The following ZNF385C variants were observed in gnomAD, a reference collection of about 807,000 sequenced individuals.
ZNF385C encodes the protein CTD-2132N18.2.
In ZNF385C, 28 loss-of-function variants were observed where a neutral mutation model predicts 35.4. The observed-to-expected ratio is 0.79, with a 90% CI of 0.59 to 1.08. The LOEUF is 1.08. Ranked by LOEUF, ZNF385C falls within the 50% of genes least tolerant of loss-of-function variation. The pLI, the probability that ZNF385C is intolerant of heterozygous loss-of-function variation, is 0.00. For synonymous variants in ZNF385C, 248 were observed against 248.2 expected (o/e 1.00, Z 0.01); for missense variants, 605 against 595.6 (o/e 1.02, Z -0.16).
At chr17:42,039,605 C>G in intron 2 of ZNF385C, 1 of 1,098,358 alleles carries the variant, frequency 9.1e-7, no homozygotes, top group Non-Finnish European at 1.2e-6. Flanking sequence ...TGGGAGGCTG[C>G]AGTCAGCAGA....
intron 1 of ZNF385C, among the ~76,000 whole-genome samples, chr17:42,096,453 C>T (rs978516823): frequency 6.6e-6 from 1 of 152,142 alleles, no homozygotes; most frequent in Non-Finnish European, 1.5e-5. Context: ...CCTTTGAAAG[C>T]CCCCAGCTTA....
At chr17:42,043,827 G>A (rs1169753247) in intron 2 of ZNF385C, among the ~76,000 whole-genome samples, 1 of 152,126 alleles carries the variant, frequency 6.6e-6, no homozygotes, top group Admixed American at 6.5e-5. Flanking sequence ...TTTGACTGAT[G>A]AAGCATCTCA....
intron 2 of ZNF385C, among the ~76,000 whole-genome samples, chr17:42,049,210 TG>T (rs2143742654): frequency 6.6e-6 from 1 of 152,320 alleles, no homozygotes; most frequent in Non-Finnish European, 1.5e-5. Flanking sequence ...TTACCTGGCC[TG>T]TTTCATTTCC....
rs115152886 is a variant in ZNF385C at position 42,053,419 on chromosome 17, T to C, written c.250+9388A>G. Among the ~76,000 whole-genome samples, 723 of 152,178 alleles carry C rather than the reference T, an allele frequency of 4.8e-3. 6 individuals carry two copies. Among genetic ancestry groups the C allele is most frequent in the African/African-American group, 0.017 (704 of 41,514 alleles). On this transcript the variant is annotated intron_variant, in intron 2 of 8. Coordinates refer to ENST00000692273, the MANE Select transcript of ZNF385C (RefSeq NM_001392013.1). ...ACCCTGATTTCTGTCCCCCTCTGTC[T>C]GCTTCCCTCTCTTTCTGTGCTGCAG...
At chr17:42,031,149 C>T (rs1379466202) in intron 5 of ZNF385C, among the ~76,000 whole-genome samples, 1 of 152,154 alleles carries the variant, frequency 6.6e-6, no homozygotes, top group Non-Finnish European at 1.5e-5. Flanking sequence ...GCAGATCCTC[C>T]TGCTTCAGCC....
intron 1 of ZNF385C, among the ~76,000 whole-genome samples, chr17:42,090,283 T>C (rs1288275123): frequency 7.5e-6 from 1 of 133,312 alleles, no homozygotes; most frequent in South Asian, 2.6e-4. Context: ...TTCCCTTTTT[T>C]TTTTTTTTTT....
In ZNF385C at chr17:42,028,153, G is replaced by C. The variant is rs782066534; in HGVS notation, c.1061C>G (p.Ala354Gly). Reference sequence around the variant, plus strand: ...GCCCCGGCCCCCTGTGACTCTCTTGGCTTTGTGTCCGGCACCTCCCCTGGA... The same window carrying C: ...GCCCCGGCCCCCTGTGACTCTCTTGCCTTTGTGTCCGGCACCTCCCCTGGA... ...PVSRGGAGHK[A>G]KRVTGGRGGR... The change falls in exon 7 of 9, where the codon GCC becomes GGC. Residue 354 changes from alanine (A) to glycine (G), a missense_variant. Coordinates refer to ENST00000692273, the MANE Select transcript of ZNF385C (RefSeq NM_001392013.1). The C allele has an allele frequency of 2.5e-6, 4 of 1,610,612 alleles. No individual in the cohort carries two copies. The highest frequency in any genetic ancestry group is 3.4e-6 in the Non-Finnish European group (4 of 1,178,876).
chr17:42,028,714 G>T, intron 6 of ZNF385C, 69 bp downstream of exon 6: 1 of 1,491,882 alleles, frequency 6.7e-7, no homozygotes, highest in East Asian at 2.5e-5. Flanking sequence ...ACTCAAGCCT[G>T]CCCTCATCTG....
intron 2 of ZNF385C, among the ~76,000 whole-genome samples, chr17:42,047,969 G>C (rs2053203161): frequency 6.6e-6 from 1 of 152,024 alleles, no homozygotes; most frequent in Non-Finnish European, 1.5e-5. Flanking sequence ...ACTCTTGAGT[G>C]GCACTTGGTG....
intron 2 of ZNF385C, among the ~76,000 whole-genome samples, chr17:42,055,737 A>C (rs1249669683): frequency 6.6e-6 from 1 of 152,060 alleles, no homozygotes; most frequent in East Asian, 1.9e-4. Flanking sequence ...TGGGGGTGAG[A>C]AGCTCATCAA....
At chr17:42,085,799 A>C (rs1285987667) in intron 1 of ZNF385C, among the ~76,000 whole-genome samples, 2 of 151,456 alleles carry the variant, frequency 1.3e-5, no homozygotes, top group Non-Finnish European at 2.9e-5. Context: ...GGTTTTCACC[A>C]TCTTGGCCAG....
At chr17:42,078,299 A>C (rs1434171856) in intron 1 of ZNF385C, among the ~76,000 whole-genome samples, 1 of 151,942 alleles carries the variant, frequency 6.6e-6, no homozygotes, top group Non-Finnish European at 1.5e-5. Flanking sequence ...ACTTTTTAGG[A>C]TATTAAATTC....
rs782515875 is a variant in ZNF385C at position 42,062,977 on chromosome 17, G to T, written c.80C>A (p.Pro27His). Reference sequence around the variant, plus strand: ...TCGCTTGGGCTTAGGTGGTTCTGGGGGCCGAGGGAGGCACTCAGCAGCTCC... The same window carrying T: ...TCGCTTGGGCTTAGGTGGTTCTGGGTGCCGAGGGAGGCACTCAGCAGCTCC... ...ISGAAECLPR[P>H]PEPPKPKRER... is the part of the protein sequence containing the mutation. The change falls in exon 2 of 9, where the codon CCC becomes CAC. Residue 27 changes from proline (P) to histidine (H), a missense_variant. Pro to His is a moderately conservative substitution (Grantham distance 77). Transcript: ENST00000692273. 1.4e-6 allele frequency: 1 copy of T among 694,340 alleles called. No individual in the cohort carries two copies. The highest frequency in any genetic ancestry group is 1.5e-5 in the South Asian group (1 of 66,602). 43.0% of individuals were successfully genotyped at this position (694,340 alleles called of 1,614,324 possible).
intron 1 of ZNF385C, among the ~76,000 whole-genome samples, chr17:42,085,528 TG>T (rs1241915517): frequency 6.6e-6 from 1 of 150,906 alleles, no homozygotes; most frequent in Non-Finnish European, 1.5e-5. Flanking sequence ...TCAGGCAATC[TG>T]CCCGCCTCAG....
chr17:42,040,201 A>G, intron 2 of ZNF385C: 1 of 1,231,584 alleles, frequency 8.1e-7, no homozygotes, highest in East Asian at 3.2e-5. Flanking sequence ...CACGGCGTCC[A>G]GCGAAGGCCC....
chr17:42,092,347 G>T (rs1292832780), intron 1 of ZNF385C, among the ~76,000 whole-genome samples: 5 of 152,078 alleles, frequency 3.3e-5, no homozygotes, highest in African/African-American at 1.2e-4. Context: ...GTTGCAGTGA[G>T]CTGAGACTGC....
At chr17:42,089,156 A>G (rs1555660307) in intron 1 of ZNF385C, among the ~76,000 whole-genome samples, 1 of 151,898 alleles carries the variant, frequency 6.6e-6, no homozygotes, top group Non-Finnish European at 1.5e-5. Flanking sequence ...TCTCTACAAA[A>G]AATACAAAAA....
chr17:42,028,115 G>A lies in ZNF385C; in HGVS notation c.1099C>T (p.Pro367Ser), dbSNP rs1555654520. 1.2e-6 allele frequency: 2 copies of A among 1,612,940 alleles called. No individual in the cohort carries two copies. Among genetic ancestry groups the A allele is most frequent in the Non-Finnish European group, 8.5e-7 (1 of 1,179,666 alleles). ...AGAGCACAGTGGAAGGCAGGGCTGG[G>A]CCCCTGCCGGCCGCCCCGGCCCCCT... ...VTGGRGGRQG[P>S]SPAFHCALCQ... is the part of the protein sequence containing the mutation. Residue 367 changes from proline to serine, a missense_variant, in exon 7 of 9, where the codon CCC becomes TCC. Coordinates refer to ENST00000692273, the MANE Select transcript of ZNF385C (RefSeq NM_001392013.1).
Position 42,031,648 on chromosome 17 carries a change from C to A in ZNF385C, c.647G>T (p.Ser216Ile), listed in dbSNP as rs1400615379. 3.2e-6 allele frequency: 5 copies of A among 1,550,686 alleles called. No individual in the cohort carries two copies. The South Asian group carries it at 5.9e-5, about 18-fold the overall frequency. The change falls in exon 5 of 9, where the codon AGT becomes ATT. Residue 216 changes from serine (S) to isoleucine (I), a missense_variant. Physicochemically the swap from Ser to Ile is moderately radical, Grantham distance 142. Coordinates refer to ENST00000692273, the MANE Select transcript of ZNF385C (RefSeq NM_001392013.1). ...ACTCTGTGGCTCTCCAGGGGCTCCA[C>A]TGGCCAGCGTTGGGATTGGGGACAC... ...AVVSPIPTLA[S>I]GAPGEPQSKV... is the part of the protein sequence containing the mutation.
Sources: gnomAD v4.1 joint callset for allele counts (sites outside exome capture counted in the v4.1 genomes callset) on GRCh38, gnomAD v4.1.1 for gene constraint, MANE v1.5 for transcripts, NCBI Gene and HGNC (gene_info 2026-07-23, HGNC 2026-07-21) for gene names.